FAF1: variants seen among roughly 807,000 people sequenced by gnomAD.
The protein encoded by FAF1 is FAS-associated factor 1.
FAF1 carries 25 observed loss-of-function variants against 92.5 expected under a neutral mutation model. The ratio of observed to expected loss-of-function variants is 0.27; its 90% CI spans 0.20 to 0.38. The LOEUF (loss-of-function observed/expected upper bound fraction) is 0.38, where lower values mean the gene tolerates loss of function less well. Ranked by LOEUF, FAF1 falls within the 10% of genes least tolerant of loss-of-function variation. FAF1 has a pLI of 1.00. For missense variants in FAF1, 636 were observed against 793.3 expected (o/e 0.80, Z 2.38); for synonymous variants, 234 against 273.2 (o/e 0.86, Z 1.42).
chr1:50,904,719 G>A (rs1644821596), intron 1 of FAF1, among the ~76,000 whole-genome samples: 1 of 151,822 alleles, frequency 6.6e-6, no homozygotes, highest in South Asian at 2.1e-4. Context: ...ATTACTAATG[G>A]TCCTAAATAA....
At position 50,465,965 on chromosome 1, in the gene FAF1, G is replaced by A. The variant is rs187710518; in HGVS notation, c.1869+9499C>T. Among the ~76,000 whole-genome samples the A allele has an allele frequency of 4.3e-3, 657 of 152,206 alleles. 2 individuals are homozygous for A. The highest frequency in any genetic ancestry group is 5.9e-3 in the Non-Finnish European group (403 of 68,020). ...CAGAGAAATGCCAGCAAGTTAGATC[G>A]AGAAAGGCCTTTCACTCTGAACTGA... On this transcript the variant is annotated intron_variant, in intron 18 of 18. Coordinates refer to ENST00000396153, the MANE Select transcript of FAF1 (RefSeq NM_007051.3).
intron 7 of FAF1, among the ~76,000 whole-genome samples, chr1:50,661,783 A>G (rs1190289109): frequency 6.6e-6 from 1 of 152,216 alleles, no homozygotes; most frequent in Non-Finnish European, 1.5e-5. Context: ...GCTTATAGTT[A>G]AGAAAGCAGT....
intron 2 of FAF1, among the ~76,000 whole-genome samples, chr1:50,827,632 TAAAA>T (rs59137959): frequency 0.02 from 3,005 of 151,116 alleles, 96 homozygotes; most frequent in African/African-American, 0.071. Context: ...CAATAAATAC[TAAAA>T]AATAAATAAA....
intron 2 of FAF1, among the ~76,000 whole-genome samples, chr1:50,807,424 C>T (rs1380117455): frequency 6.6e-6 from 1 of 152,208 alleles, no homozygotes; most frequent in Non-Finnish European, 1.5e-5. Flanking sequence ...CTTCACATGG[C>T]AGCAGGAGAG....
chr1:50,449,947 C>A (rs1396000046), intron 18 of FAF1, among the ~76,000 whole-genome samples: 1 of 151,748 alleles, frequency 6.6e-6, no homozygotes, highest in Admixed American at 6.6e-5. Flanking sequence ...GTAATCCCAG[C>A]ACTTTGGGAG....
chr1:50,906,765 T>G (rs1056698431), intron 1 of FAF1, among the ~76,000 whole-genome samples: 1 of 152,228 alleles, frequency 6.6e-6, no homozygotes, highest in African/African-American at 2.4e-5. Context: ...CTTATCAGCT[T>G]AAGGAGATTT....
At chr1:50,892,931 T>C (rs1388906455) in intron 1 of FAF1, among the ~76,000 whole-genome samples, 2 of 152,188 alleles carry the variant, frequency 1.3e-5, no homozygotes, top group African/African-American at 4.8e-5. Flanking sequence ...GCAGGTTGTC[T>C]TCACACTCAC....
At chr1:50,907,277 T>C (rs1644847880) in intron 1 of FAF1, among the ~76,000 whole-genome samples, 1 of 152,222 alleles carries the variant, frequency 6.6e-6, no homozygotes, top group South Asian at 2.1e-4. Flanking sequence ...CTGCATTTGC[T>C]TTGCCAGTAT....
chr1:50,615,159 T>C (rs1016395811), intron 8 of FAF1, among the ~76,000 whole-genome samples: 3 of 152,216 alleles, frequency 2.0e-5, no homozygotes, highest in African/African-American at 7.2e-5. Context: ...GTTCGTGCAT[T>C]ACTTAGCTTA....
chr1:50,603,594 T>G (rs1652246614), intron 8 of FAF1, among the ~76,000 whole-genome samples: 1 of 152,212 alleles, frequency 6.6e-6, no homozygotes, highest in South Asian at 2.1e-4. Flanking sequence ...CTAAAAAGCT[T>G]ATTTTTATTC....
intron 1 of FAF1, among the ~76,000 whole-genome samples, chr1:50,892,390 G>T (rs1644727253): frequency 6.6e-6 from 1 of 152,310 alleles, no homozygotes; most frequent in Non-Finnish European, 1.5e-5. Context: ...AGATGAACCT[G>T]GTACCTCAGT....
intron 1 of FAF1, among the ~76,000 whole-genome samples, chr1:50,950,100 AAAG>A (rs1272244751): frequency 6.6e-6 from 1 of 152,108 alleles, no homozygotes; most frequent in African/African-American, 2.4e-5. Flanking sequence ...TCTTCTTCTC[AAAG>A]TGCTGGGAAT....
Position 50,472,908 on chromosome 1 carries a change from A to C in FAF1, c.1869+2556T>G, listed in dbSNP as rs190894679. On this transcript the variant is annotated intron_variant, in intron 18 of 18. Transcript: ENST00000396153. The stretch of plus-strand genomic sequence containing the variant: ...TGAAAGAGAATTCAGAGAAGAATGA[A>C]GGGCCTTTAACTCTCACCCCACCCC... 4.1e-4 allele frequency among the ~76,000 whole-genome samples: 62 copies of C among 152,302 alleles called. 1 individual carries two copies. The East Asian group carries it at 7.1e-3, about 18-fold the overall frequency.
intron 7 of FAF1, among the ~76,000 whole-genome samples, chr1:50,671,297 C>T (rs1655864019): frequency 6.6e-6 from 1 of 150,928 alleles, no homozygotes; most frequent in Non-Finnish European, 1.5e-5. Context: ...CCCAGTTACT[C>T]GGGAGTCTGA....
intron 2 of FAF1, among the ~76,000 whole-genome samples, chr1:50,841,117 G>A (rs1366162621): frequency 1.3e-5 from 2 of 151,944 alleles, no homozygotes; most frequent in African/African-American, 2.4e-5. Context: ...CCAAAGATGT[G>A]GCGCAGCAAT....
chr1:50,585,323 GA>G (rs1263256017), intron 9 of FAF1, among the ~76,000 whole-genome samples: 14 of 152,076 alleles, frequency 9.2e-5, no homozygotes, highest in Non-Finnish European at 1.5e-4. Context: ...CACTACATAT[GA>G]AAGCTCTTTG....
chr1:50,752,885 T>C (rs991447735), intron 4 of FAF1, among the ~76,000 whole-genome samples: 1 of 152,080 alleles, frequency 6.6e-6, no homozygotes, highest in Non-Finnish European at 1.5e-5. Context: ...GGTTTCACCA[T>C]GTTGGCCAGG....
chr1:50,936,358 G>A lies in FAF1; in HGVS notation c.45+23409C>T, dbSNP rs186625630. ...TATTTTTTTAAAAAAGAAGAAGAATGAGAAATACAGAGGAGGGAGTAAGTA... is the reference window on the plus strand; with the variant it reads ...TATTTTTTTAAAAAAGAAGAAGAATAAGAAATACAGAGGAGGGAGTAAGTA... On this transcript the variant is annotated intron_variant, in intron 1 of 18. Coordinates refer to ENST00000396153, the MANE Select transcript of FAF1 (RefSeq NM_007051.3). Among the ~76,000 whole-genome samples, 480 of 152,224 alleles carry A rather than the reference G, an allele frequency of 3.2e-3. 14 individuals carry two copies. The highest frequency in any genetic ancestry group is 0.027 in the Admixed American group (419 of 15,288).
At chr1:50,524,290 C>T (rs1246661932) in intron 15 of FAF1, among the ~76,000 whole-genome samples, 2 of 152,154 alleles carry the variant, frequency 1.3e-5, no homozygotes, top group Non-Finnish European at 2.9e-5. Context: ...TATTAGACCT[C>T]TGTCAGATGT....
Sources: gnomAD v4.1 joint callset for allele counts (sites outside exome capture counted in the v4.1 genomes callset) on GRCh38, gnomAD v4.1.1 for gene constraint, MANE v1.5 for transcripts, NCBI Gene and HGNC (gene_info 2026-07-23, HGNC 2026-07-21) for gene names.